The following SDK1 variants were observed in gnomAD, a reference collection of about 807,000 sequenced individuals.
The protein encoded by SDK1 is protein sidekick-1.
A neutral mutation model predicts 245.5 loss-of-function variants in SDK1; 157 were observed. The observed-to-expected ratio is 0.64, with a 90% confidence interval of 0.56 to 0.73. The LOEUF is 0.73. SDK1 is among the 30% of genes least tolerant of loss of function. The pLI is 0.00. For synonymous variants in SDK1, 1,647 were observed against 1,278.5 expected (o/e 1.29, Z -6.15); for missense variants, 3,583 against 3,002.3 (o/e 1.19, Z -4.52).
chr7:4,126,564 T>G (rs949210069), intron 25 of SDK1, among the ~76,000 whole-genome samples: 7 of 152,100 alleles, frequency 4.6e-5, no homozygotes, highest in Admixed American at 6.5e-5. Context: ...CTAGTAAAAA[T>G]TCAAAAATCA....
chr7:3,537,020 T>G (rs1778908647), intron 1 of SDK1, among the ~76,000 whole-genome samples: 1 of 152,216 alleles, frequency 6.6e-6, no homozygotes, highest in Non-Finnish European at 1.5e-5. Flanking sequence ...CATATTAAAA[T>G]GCACAGATTT....
chr7:3,743,994 T>C (rs1290761201), intron 4 of SDK1, among the ~76,000 whole-genome samples: 2 of 152,200 alleles, frequency 1.3e-5, no homozygotes, highest in East Asian at 3.9e-4. Context: ...AATCAACAGC[T>C]TGACTCACAG....
In SDK1 at chr7:4,266,572, TC is replaced by T; in HGVS notation, c.*1189del. On this transcript the variant is annotated 3_prime_UTR_variant, in exon 45 of 45. Coordinates refer to ENST00000404826, the MANE Select transcript of SDK1 (RefSeq NM_152744.4). ...CCTTAACAGGTTTTTTGGAAATGTT[TC>T]TTTTTTTTATTTAAAATTGTCATTG... 1.1e-6 allele frequency: 1 copy of T among 914,092 alleles called. No individual in the cohort carries two copies. The highest frequency in any genetic ancestry group is 1.3e-6 in the Non-Finnish European group (1 of 798,648). The allele number at this position is 914,092 out of a possible 1,614,324, so 56.6% of individuals were successfully genotyped here.
At chr7:3,888,137 A>G (rs1781379618) in intron 5 of SDK1, among the ~76,000 whole-genome samples, 1 of 152,228 alleles carries the variant, frequency 6.6e-6, no homozygotes, top group Non-Finnish European at 1.5e-5. Context: ...TTCTCTCATC[A>G]GTGAATGATA....
chr7:3,386,048 A>C (rs1368187452), intron 1 of SDK1, among the ~76,000 whole-genome samples: 1 of 152,162 alleles, frequency 6.6e-6, no homozygotes, highest in African/African-American at 2.4e-5. Context: ...ATATTACTCA[A>C]ATAAACGATG....
chr7:3,887,860 ATTTC>A (rs1781373214), intron 5 of SDK1, among the ~76,000 whole-genome samples: 1 of 152,182 alleles, frequency 6.6e-6, no homozygotes, highest in Admixed American at 6.5e-5. Flanking sequence ...TAATTTCAAT[ATTTC>A]TTTCCGCCTT....
chr7:3,809,995 G>T (rs1457670527), intron 4 of SDK1, among the ~76,000 whole-genome samples: 2 of 152,200 alleles, frequency 1.3e-5, no homozygotes, highest in Non-Finnish European at 2.9e-5. Flanking sequence ...GTCCTCCCAG[G>T]AATATTCTTG....
At chr7:3,535,422 G>A (rs1778854191) in intron 1 of SDK1, among the ~76,000 whole-genome samples, 1 of 152,070 alleles carries the variant, frequency 6.6e-6, no homozygotes, top group Non-Finnish European at 1.5e-5. Context: ...TATCCCTAAT[G>A]CCAACAACAT....
At chr7:4,222,633 G>T (rs1234124936) in intron 40 of SDK1, among the ~76,000 whole-genome samples, 1 of 152,196 alleles carries the variant, frequency 6.6e-6, no homozygotes, top group Non-Finnish European at 1.5e-5. Context: ...TAGTGCAGAA[G>T]CGTGAAAAAG....
chr7:4,173,254 G>A (rs1781967231), intron 32 of SDK1, among the ~76,000 whole-genome samples: 1 of 152,162 alleles, frequency 6.6e-6, no homozygotes, highest in Non-Finnish European at 1.5e-5. Flanking sequence ...CCAGATGCTC[G>A]GAGGCTCAGC....
chr7:3,681,232 C>T (rs1352483831), intron 4 of SDK1, among the ~76,000 whole-genome samples: 1 of 152,160 alleles, frequency 6.6e-6, no homozygotes, highest in Admixed American at 6.5e-5. Flanking sequence ...TGAAATCTGA[C>T]TGTGTGAATC....
chr7:3,983,202 T>C (rs1562617393), intron 13 of SDK1, among the ~76,000 whole-genome samples: 1 of 152,230 alleles, frequency 6.6e-6, no homozygotes. Context: ...CTGGTAAAGC[T>C]GTGGCAGGGT....
intron 19 of SDK1, among the ~76,000 whole-genome samples, chr7:4,057,083 C>T (rs1230683618): frequency 3.3e-5 from 5 of 152,208 alleles, no homozygotes; most frequent in Admixed American, 2.6e-4. Flanking sequence ...GACTCTCCCA[C>T]CCACAGTTGC....
chr7:3,536,061 A>ATT (rs5881991), intron 1 of SDK1, among the ~76,000 whole-genome samples: 12 of 148,422 alleles, frequency 8.1e-5, no homozygotes, highest in East Asian at 2.0e-4. Context: ...TGGCAGAATA[A>ATT]TTTTTTTTTT....
intron 38 of SDK1, among the ~76,000 whole-genome samples, chr7:4,217,996 C>T (rs1784928101): frequency 6.6e-6 from 1 of 152,268 alleles, no homozygotes; most frequent in African/African-American, 2.4e-5. Flanking sequence ...TGATGACAGT[C>T]ACTATGTGCA....
intron 41 of SDK1, among the ~76,000 whole-genome samples, chr7:4,235,444 G>T (rs1252090882): frequency 6.6e-6 from 1 of 152,182 alleles, no homozygotes; most frequent in Non-Finnish European, 1.5e-5. Flanking sequence ...GATTATAGGA[G>T]TGAGTCACGG....
intron 1 of SDK1, among the ~76,000 whole-genome samples, chr7:3,536,983 AT>A (rs954688259): frequency 1.3e-4 from 20 of 152,012 alleles, no homozygotes; most frequent in African/African-American, 4.6e-4. Context: ...CAATCTCTCT[AT>A]TTTTTTAATT....
intron 5 of SDK1, among the ~76,000 whole-genome samples, chr7:3,882,236 T>C (rs1034823461): frequency 1.3e-4 from 20 of 152,050 alleles, no homozygotes; most frequent in Admixed American, 3.3e-4. Context: ...TTCTGGGAGC[T>C]ACAATTCAAG....
intron 5 of SDK1, among the ~76,000 whole-genome samples, chr7:3,863,221 A>G (rs371127327): frequency 1.4e-4 from 22 of 152,140 alleles, no homozygotes; most frequent in East Asian, 7.7e-4. Context: ...GAACACAGGG[A>G]ATGAATAGTG....
Sources: gnomAD v4.1 joint callset for allele counts (sites outside exome capture counted in the v4.1 genomes callset) on GRCh38, gnomAD v4.1.1 for gene constraint, MANE v1.5 for transcripts, NCBI Gene and HGNC (gene_info 2026-07-23, HGNC 2026-07-21) for gene names.